Variants in MCC observed in about 807,000 individuals in gnomAD.
The protein encoded by MCC is MCC regulator of Wnt signaling pathway, also known as colorectal mutant cancer protein.
Under a neutral mutation model 116.2 loss-of-function variants are expected in MCC, and 90 were observed. The observed-to-expected ratio is 0.77, with a 90% CI of 0.65 to 0.92. The LOEUF (loss-of-function observed/expected upper bound fraction) is 0.92, where lower values mean the gene tolerates loss of function less well. Among genes scored for constraint, MCC ranks in the 40% least tolerant of loss-of-function variants. MCC has a pLI of 0.00. For synonymous variants in MCC, 578 were observed against 510.5 expected (o/e 1.13, Z -1.78); for missense variants, 1,516 against 1,312.2 (o/e 1.16, Z -2.40).
chr5:113,062,509 C>G, intron 14 of MCC, among the ~76,000 whole-genome samples: 1 of 152,188 alleles, frequency 6.6e-6, no homozygotes. Context: ...CATTTCCTGT[C>G]AAGCAAACTC....
chr5:113,200,082 T>C lies in MCC; in HGVS notation c.628-48660A>G, dbSNP rs188253792. ...GGAAAGAGTTTTGCCATGGATGAAG[T>C]GACAAGGTAAGTTTTAATGTGGAAT... On this transcript the variant is annotated intron_variant, in intron 3 of 18. Transcript: ENST00000408903. 2.0e-5 allele frequency among the ~76,000 whole-genome samples: 3 copies of C among 152,194 alleles called. No individual in the cohort carries two copies. The East Asian group carries it at 5.8e-4, about 29-fold the overall frequency.
At chr5:113,406,190 A>C (rs1414041186) in intron 1 of MCC, among the ~76,000 whole-genome samples, 1 of 152,216 alleles carries the variant, frequency 6.6e-6, no homozygotes, top group Non-Finnish European at 1.5e-5. Context: ...ATTATGATGA[A>C]GTTAAACACA....
intron 8 of MCC, among the ~76,000 whole-genome samples, chr5:113,097,575 C>A (rs1389741031): frequency 6.6e-6 from 1 of 152,126 alleles, no homozygotes; most frequent in Non-Finnish European, 1.5e-5. Context: ...TCTGCATTTT[C>A]TCTATATAGC....
At chr5:113,085,623 T>G (rs1299172947) in intron 8 of MCC, among the ~76,000 whole-genome samples, 1 of 152,190 alleles carries the variant, frequency 6.6e-6, no homozygotes, top group East Asian at 1.9e-4. Context: ...CCATCACCTA[T>G]TCTTCACAAG....
intron 1 of MCC, among the ~76,000 whole-genome samples, chr5:113,483,684 A>T (rs1772438245): frequency 6.6e-6 from 1 of 152,154 alleles, no homozygotes; most frequent in Non-Finnish European, 1.5e-5. Context: ...CAGCAGTCTC[A>T]TTACTAGGTA....
chr5:113,408,850 C>T (rs1769904709), intron 1 of MCC, among the ~76,000 whole-genome samples: 1 of 152,124 alleles, frequency 6.6e-6, no homozygotes, highest in African/African-American at 2.4e-5. Flanking sequence ...TGAACATGTA[C>T]CAGGCTTCAG....
intron 1 of MCC, among the ~76,000 whole-genome samples, chr5:113,475,364 A>C (rs1362300447): frequency 6.6e-6 from 1 of 152,220 alleles, no homozygotes; most frequent in Non-Finnish European, 1.5e-5. Context: ...CAATCTAGAA[A>C]CTTGTTCAAT....
In MCC at chr5:113,053,795, T is replaced by C; in HGVS notation, c.2378A>G (p.Lys793Arg). Residue 793 changes from lysine (K) to arginine (R), a missense_variant, in exon 15 of 19, where the codon AAG becomes AGG. Lys to Arg is a conservative substitution (Grantham distance 26). Transcript: ENST00000408903. ...IHIDPLSYDV[K>R]PRGDSQRLDL... ...CAGCCTCTGGCTGTCTCCCCGAGGC[T>C]TGACGTCATAGCTGAGAGGATCGAT... The C allele has an allele frequency of 6.2e-7, 1 of 1,614,164 alleles. No individual in the cohort carries two copies. Among genetic ancestry groups the C allele is most frequent in the Non-Finnish European group, 8.5e-7 (1 of 1,179,988 alleles).
rs775732898 is a variant in MCC at position 113,488,342 on chromosome 5, T to TGCCGCTGCCGCTGCC, written c.72_73insGGCAGCGGCAGCGGC (p.Ser24_Ser25insGlySerGlySerGly). 2.0e-6 allele frequency: 3 copies of TGCCGCTGCCGCTGCC among 1,531,202 alleles called. No individual in the cohort carries two copies. Among genetic ancestry groups the TGCCGCTGCCGCTGCC allele is most frequent in the East Asian group, 5.5e-5 (2 of 36,054 alleles). 94.9% of individuals were successfully genotyped at this position (1,531,202 alleles called of 1,614,324 possible). A position where few individuals can be genotyped will look rare whatever the true frequency, so the allele number is the denominator to read the frequency against. On this transcript the variant is annotated inframe_insertion, in exon 1 of 19. Transcript: ENST00000408903. ...CTGGACGTGTCGCTGCTGCTGCTGC[T>TGCCGCTGCCGCTGCC]GCTGCCGCTGCCGCCGCCGCCGCCG... is the stretch of plus-strand genomic sequence containing the variant.
intron 3 of MCC, among the ~76,000 whole-genome samples, chr5:113,170,977 C>T (rs1353699360): frequency 6.6e-6 from 1 of 152,100 alleles, no homozygotes; most frequent in Non-Finnish European, 1.5e-5. Flanking sequence ...GCACCGAGTA[C>T]ATGCGTCCCT....
At chr5:113,175,105 G>C (rs1172227888) in intron 3 of MCC, among the ~76,000 whole-genome samples, 2 of 152,172 alleles carry the variant, frequency 1.3e-5, no homozygotes, top group African/African-American at 4.8e-5. Flanking sequence ...ATATACTTCT[G>C]TGTTGTTTGA....
intron 1 of MCC, among the ~76,000 whole-genome samples, chr5:113,461,818 G>C (rs531757984): frequency 1.3e-5 from 2 of 149,992 alleles, no homozygotes; most frequent in African/African-American, 4.9e-5. Flanking sequence ...GATTATAGTA[G>C]AGATGTTCTA....
intron 3 of MCC, among the ~76,000 whole-genome samples, chr5:113,202,119 C>T (rs116572055): frequency 0.025 from 3,731 of 152,120 alleles, 93 homozygotes; most frequent in African/African-American, 0.061. Context: ...CCCCATTAAC[C>T]GAAGCCACCA....
rs1750419407 is a variant in MCC at position 113,024,846 on chromosome 5, A to G, written c.*2456T>C. 1 of 152,228 alleles carries G rather than the reference A, an allele frequency of 6.6e-6. No homozygotes were observed. Among genetic ancestry groups the G allele is most frequent in the African/African-American group, 2.4e-5 (1 of 41,462 alleles). 9.4% of individuals were successfully genotyped at this position (152,228 alleles called of 1,614,324 possible). ...TCTTGGGGAGTATTTGAAAAATACAAGAAAAGGAAAAACTTTTATAGCTTT... is the reference window on the plus strand; with the variant it reads ...TCTTGGGGAGTATTTGAAAAATACAGGAAAAGGAAAAACTTTTATAGCTTT... On this transcript the variant is annotated 3_prime_UTR_variant, in exon 19 of 19. Transcript: ENST00000408903.
Position 113,313,572 on chromosome 5 carries a change from T to C in MCC, c.627+26947A>G, listed in dbSNP as rs182310747. On this transcript the variant is annotated intron_variant, in intron 3 of 18. Coordinates refer to ENST00000408903, the MANE Select transcript of MCC (RefSeq NM_001085377.2). ...TAAGGAAAAGAGATCTGGAGCACTT[T>C]CTACTCTGGAAGTCCATCTCCTAAT... is the stretch of plus-strand genomic sequence containing the variant. 1.2e-3 allele frequency among the ~76,000 whole-genome samples: 190 copies of C among 152,300 alleles called. 6 individuals carry two copies. In the East Asian group the frequency reaches 0.02, roughly 16 times the overall value.
chr5:113,243,497 A>G (rs1764456605), intron 3 of MCC, among the ~76,000 whole-genome samples: 1 of 152,218 alleles, frequency 6.6e-6, no homozygotes, highest in African/African-American at 2.4e-5. Flanking sequence ...GACCTCAGTT[A>G]CTACAGGCTT....
chr5:113,125,672 C>T (rs1758007191), intron 5 of MCC, among the ~76,000 whole-genome samples: 5 of 152,106 alleles, frequency 3.3e-5, no homozygotes, highest in Non-Finnish European at 2.9e-5. Context: ...ATTGTTCCAT[C>T]AAGAGCTATG....
intron 3 of MCC, among the ~76,000 whole-genome samples, chr5:113,197,338 T>A (rs1762462838): frequency 6.6e-6 from 1 of 151,832 alleles, no homozygotes; most frequent in South Asian, 2.1e-4. Context: ...GGGGAGAGGA[T>A]AGGTAGGTAG....
chr5:113,443,820 C>T (rs1771122326), intron 1 of MCC, among the ~76,000 whole-genome samples: 1 of 152,064 alleles, frequency 6.6e-6, no homozygotes, highest in Non-Finnish European at 1.5e-5. Context: ...ATATGTTGAA[C>T]CAGCCTTGCA....
Sources: gnomAD v4.1 joint callset for allele counts (sites outside exome capture counted in the v4.1 genomes callset) on GRCh38, gnomAD v4.1.1 for gene constraint, MANE v1.5 for transcripts, NCBI Gene and HGNC (gene_info 2026-07-23, HGNC 2026-07-21) for gene names.